Variants in PCNT observed in about 807,000 individuals in gnomAD.
The protein encoded by PCNT is pericentrin.
PCNT carries 319 observed loss-of-function variants against 380.4 expected under a neutral mutation model. That is an observed-to-expected ratio of 0.84 (90% CI 0.77 to 0.92). The LOEUF is 0.92. Among genes scored for constraint, PCNT ranks in the 40% least tolerant of loss-of-function variants. The pLI, the probability that PCNT is intolerant of heterozygous loss-of-function variation, is 0.00. For synonymous variants in PCNT, 1,845 were observed against 1,735.2 expected (o/e 1.06, Z -1.57); for missense variants, 4,400 against 4,255.3 (o/e 1.03, Z -0.95).
rs188217219 is a variant in PCNT, at chr21:46,327,010, C to T, written c.267+421C>T. 8.1e-5 allele frequency among the ~76,000 whole-genome samples: 12 copies of T among 147,332 alleles called. No individual in the cohort carries two copies. In the East Asian group the frequency reaches 2.4e-3, roughly 29 times the overall value. Reference sequence around the variant, plus strand: ...ACTGGGTGACAGAGCGAGACTCTCTCTCAAAAAAAAAAAAACAGTGAGTAA... The same window carrying T: ...ACTGGGTGACAGAGCGAGACTCTCTTTCAAAAAAAAAAAAACAGTGAGTAA... On this transcript the variant is annotated intron_variant, in intron 2 of 46. Transcript: ENST00000359568.
intron 3 of PCNT, among the ~76,000 whole-genome samples, chr21:46,338,837 G>A (rs1422272156): frequency 1.3e-5 from 2 of 151,950 alleles, no homozygotes; most frequent in Non-Finnish European, 2.9e-5. Context: ...CTAGAGTGCA[G>A]TGGCCCATTC....
In PCNT at chr21:46,366,645, C is replaced by G. The variant is rs2084940663; in HGVS notation, c.2671C>G (p.Gln891Glu). 6.2e-7 allele frequency: 1 copy of G among 1,613,750 alleles called. No homozygotes were observed. Among genetic ancestry groups the G allele is most frequent in the African/African-American group, 1.3e-5 (1 of 74,908 alleles). ...CAGTGCGGAACAAGATGCCTTCCTG[C>G]AGGAGGCCCAGGAGCAGCATGCCCG... ...KFSAEQDAFL[Q>E]EAQEQHAREL... Residue 891 changes from glutamine to glutamate, a missense_variant, in exon 15 of 47, where the codon CAG becomes GAG. By Grantham distance (29) the Gln-to-Glu change is conservative. Transcript: ENST00000359568.
Position 46,430,166 on chromosome 21 carries a change from G to C in PCNT, c.7847G>C (p.Ser2616Thr). The change falls in exon 36 of 47, where the codon AGC (serine) becomes ACC (threonine). Residue 2616 changes from serine (S) to threonine (T), a missense_variant. Physicochemically the swap from Ser to Thr is moderately conservative, Grantham distance 58. Coordinates refer to ENST00000359568, the MANE Select transcript of PCNT (RefSeq NM_006031.6). ...GATTTGAAGTCCGACCTCTGTGAGA[G>C]CAGGCAGAAGAGCGAACAGCTGTCC... ...VRDLKSDLCE[S>T]RQKSEQLSRS... 6.2e-7 allele frequency: 1 copy of C among 1,614,184 alleles called. No individual in the cohort carries two copies. The highest frequency in any genetic ancestry group is 1.1e-5 in the South Asian group (1 of 91,086).
At position 46,412,911 on chromosome 21, in the gene PCNT, C is replaced by G. The variant is rs755908573; in HGVS notation, c.6069C>G (p.Leu2023=). Residue 2023 remains leucine, a synonymous_variant, in exon 29 of 47, where the codon CTC becomes CTG. Coordinates refer to ENST00000359568, the MANE Select transcript of PCNT (RefSeq NM_006031.6). ...LCKQEGVMSV[L]TVCQRQLQSE... is the part of the protein sequence containing the mutation. Reference sequence around the variant, plus strand: ...AGCAAGAAGGCGTGATGTCAGTGCTCACCGTCTGCCAGAGGCAGCTGCAGT... The same window carrying G: ...AGCAAGAAGGCGTGATGTCAGTGCTGACCGTCTGCCAGAGGCAGCTGCAGT... 35 of 1,612,632 alleles carry G rather than the reference C, an allele frequency of 2.2e-5. No individual in the cohort carries two copies. Among genetic ancestry groups the G allele is most frequent in the Non-Finnish European group, 2.7e-5 (32 of 1,180,012 alleles).
Position 46,334,638 on chromosome 21 carries a change from G to T in PCNT, c.509G>T (p.Gly170Val). The change falls in exon 3 of 47, where the codon GGG (glycine) becomes GTG (valine). Residue 170 changes from glycine to valine, a missense_variant. By Grantham distance (109) the Gly-to-Val change is moderately radical. Transcript: ENST00000359568. ...TVSDHPPEQRGMFTISDHQPE... is the reference protein window; with the variant it reads ...TVSDHPPEQRVMFTISDHQPE... Reference sequence around the variant, plus strand: ...AGTGACCACCCACCAGAACAGCGTGGGATGTTCACAATCAGTGACCACCAA... The same window carrying T: ...AGTGACCACCCACCAGAACAGCGTGTGATGTTCACAATCAGTGACCACCAA... 1 of 1,604,582 alleles carries T rather than the reference G, an allele frequency of 6.2e-7. No homozygotes were observed. The highest frequency in any genetic ancestry group is 1.1e-5 in the South Asian group (1 of 90,156).
chr21:46,372,664 A>C (rs2085192717), intron 15 of PCNT, among the ~76,000 whole-genome samples: 1 of 152,178 alleles, frequency 6.6e-6, no homozygotes. Context: ...CCATAAAGTA[A>C]GGTTTTGAAC....
At chr21:46,423,417 CTGAGCTCA>C (rs2087339312) in intron 32 of PCNT, among the ~76,000 whole-genome samples, 1 of 151,772 alleles carries the variant, frequency 6.6e-6, no homozygotes, top group Admixed American at 6.6e-5. Flanking sequence ...TCTTGAGCTC[CTGAGCTCA>C]AGTAATCTGC....
intron 14 of PCNT, among the ~76,000 whole-genome samples, chr21:46,365,568 T>TTCACTGCCACAGGGTTCTGA (rs2084888158): frequency 1.0e-5 from 1 of 99,878 alleles, no homozygotes; most frequent in Admixed American, 1.0e-4. Context: ...TGGGGTTCTG[T>TTCACTGCCACAGGGTTCTGA]TCACTCCCAT....
intron 27 of PCNT, among the ~76,000 whole-genome samples, chr21:46,402,977 C>G (rs2086479226): frequency 6.6e-6 from 1 of 152,144 alleles, no homozygotes; most frequent in Non-Finnish European, 1.5e-5. Flanking sequence ...TTTAATGTAG[C>G]CGTGCTTTTG....
At chr21:46,424,209 G>A (rs896013396) in intron 32 of PCNT, among the ~76,000 whole-genome samples, 5 of 152,206 alleles carry the variant, frequency 3.3e-5, no homozygotes, top group African/African-American at 7.2e-5. Flanking sequence ...TCCTGAGCAC[G>A]GGTGGGGCCC....
In PCNT at chr21:46,398,119, C is replaced by G. The variant is rs763712724; in HGVS notation, c.4552C>G (p.Arg1518Gly). The G allele has an allele frequency of 3.1e-6, 5 of 1,605,602 alleles. No individual in the cohort carries two copies. Among genetic ancestry groups the G allele is most frequent in the Non-Finnish European group, 3.4e-6 (4 of 1,176,822 alleles). ...QAAKPQPWGP[R>G]DSQQAPLDGE... ...GGCCAAGCCGCAGCCCTGGGGCCCT[C>G]GCGACAGCCAGGTGAGTCAGTGCAG... The change falls in exon 23 of 47, where the codon CGC (arginine) becomes GGC (glycine). Residue 1518 changes from arginine to glycine, a missense_variant. Coordinates refer to ENST00000359568, the MANE Select transcript of PCNT (RefSeq NM_006031.6).
At position 46,408,625 on chromosome 21, in the gene PCNT, G is replaced by A. The variant is rs1459416003; in HGVS notation, c.5116-2564G>A. 2.7e-5 allele frequency among the ~76,000 whole-genome samples: 4 copies of A among 150,308 alleles called. No homozygotes were observed. In the South Asian group the frequency reaches 8.4e-4, roughly 32 times the overall value. ...ATGTAGTGGTATATCCTAGAGTTTT[G>A]TATTTCCTTAATGACTAGTGATCTT... On this transcript the variant is annotated intron_variant, in intron 27 of 46. Transcript: ENST00000359568.
rs1422642057 is a variant in PCNT at position 46,353,109 on chromosome 21, C to T, written c.1462C>T (p.His488Tyr). 6.2e-7 allele frequency: 1 copy of T among 1,613,584 alleles called. No individual in the cohort carries two copies. Among genetic ancestry groups the T allele is most frequent in the Non-Finnish European group, 8.5e-7 (1 of 1,179,706 alleles). The change falls in exon 10 of 47, where the codon CAT becomes TAT. Residue 488 changes from histidine to tyrosine, a missense_variant. Transcript: ENST00000359568. Reference protein sequence around the residue: ...RTSRQELSELHEQLLARTSRV... With the variant: ...RTSRQELSELYEQLLARTSRV... ...CTGACTCCGTTATGTTGCAGAGCTA[C>T]ATGAGCAACTCCTGGCGCGCACCTC...
At chr21:46,329,075 G>A (rs962002706) in intron 2 of PCNT, among the ~76,000 whole-genome samples, 2 of 152,218 alleles carry the variant, frequency 1.3e-5, no homozygotes, top group Non-Finnish European at 2.9e-5. Flanking sequence ...TGCCTGGCCT[G>A]CATAGACGTT....
At chr21:46,438,668 A>AT (rs2053527175) in intron 41 of PCNT, among the ~76,000 whole-genome samples, 1 of 135,196 alleles carries the variant, frequency 7.4e-6, no homozygotes, top group Non-Finnish European at 1.5e-5. Context: ...AGTGATTTAT[A>AT]ATTTTTTTTT....
intron 15 of PCNT, among the ~76,000 whole-genome samples, chr21:46,378,977 C>G (rs148238026): frequency 2.0e-5 from 3 of 152,086 alleles, no homozygotes; most frequent in African/African-American, 4.8e-5. Flanking sequence ...TTCTCTGTGT[C>G]GTTACCTGCA....
chr21:46,426,086 T>TCGC, intron 33 of PCNT, 115 bp downstream of exon 33: 2 of 1,085,652 alleles, frequency 1.8e-6, no homozygotes, highest in Non-Finnish European at 2.5e-6. Flanking sequence ...TTTTTTTTTT[T>TCGC]TTTTTTTTTT....
At chr21:46,360,526 T>TA (rs1445987178) in intron 13 of PCNT, among the ~76,000 whole-genome samples, 1 of 133,116 alleles carries the variant, frequency 7.5e-6, no homozygotes, top group Non-Finnish European at 1.6e-5. Context: ...CCGGCTTTTT[T>TA]TTTTTTTTCT....
chr21:46,359,353 T>C (rs2084602427), intron 13 of PCNT, among the ~76,000 whole-genome samples: 1 of 146,118 alleles, frequency 6.8e-6, no homozygotes, highest in East Asian at 1.9e-4. Context: ...TTCTCTCTTG[T>C]TAATTTTAAT....
Sources: allele counts gnomAD v4.1 joint callset (sites outside exome capture counted in the v4.1 genomes callset), GRCh38; gene constraint gnomAD v4.1.1; transcripts MANE v1.5; gene names NCBI Gene and HGNC (gene_info 2026-07-23, HGNC 2026-07-21).